ADCK5: variants seen among roughly 807,000 people sequenced by gnomAD.
ADCK5 encodes uncharacterized aarF domain-containing protein kinase 5.
A neutral mutation model predicts 64.9 loss-of-function variants in ADCK5; 43 were observed. The observed-to-expected ratio is 0.66, with a 90% CI of 0.52 to 0.85. The LOEUF is 0.85. Ranked by LOEUF, ADCK5 falls within the 40% of genes least tolerant of loss-of-function variation. ADCK5 has a pLI of 0.00. For missense variants in ADCK5, 760 were observed against 810.5 expected (o/e 0.94, Z 0.76); for synonymous variants, 434 against 342.8 (o/e 1.27, Z -2.94).
intron 1 of ADCK5, among the ~76,000 whole-genome samples, chr8:144,378,772 G>A (rs112422933): frequency 4.6e-5 from 7 of 152,074 alleles, no homozygotes; most frequent in African/African-American, 1.4e-4. Context: ...CCAGCTACTC[G>A]GGGGGCTGGG....
intron 2 of ADCK5, among the ~76,000 whole-genome samples, 186 bp downstream of exon 2, chr8:144,379,676 G>A (rs1295352215): frequency 3.9e-5 from 6 of 152,218 alleles, no homozygotes; most frequent in Non-Finnish European, 7.3e-5. Context: ...CCATGGGACC[G>A]TGCTCAGGGG....
intron 1 of ADCK5, among the ~76,000 whole-genome samples, chr8:144,375,893 C>T (rs1446483125): frequency 6.6e-6 from 1 of 152,156 alleles, no homozygotes; most frequent in South Asian, 2.1e-4. Context: ...GGGGACCCAC[C>T]GTCTAAAAGA....
Position 144,393,181 on chromosome 8 carries a change from G to A in ADCK5, c.*107G>A. 7.4e-7 allele frequency: 1 copy of A among 1,346,914 alleles called. No homozygotes were observed. The highest frequency in any genetic ancestry group is 9.9e-7 in the Non-Finnish European group (1 of 1,007,778). 83.4% of individuals were successfully genotyped at this position (1,346,914 alleles called of 1,614,324 possible). A position where few individuals can be genotyped will look rare whatever the true frequency, so the allele number is the denominator to read the frequency against. On this transcript the variant is annotated 3_prime_UTR_variant, in exon 15 of 15. Transcript: ENST00000308860. Reference sequence around the variant, plus strand: ...GCCCCGTGGGCACTCGCACTGGGGGGCTGTGACAGCAGCTGGGCCAGGAGG... The same window carrying A: ...GCCCCGTGGGCACTCGCACTGGGGGACTGTGACAGCAGCTGGGCCAGGAGG...
intron 3 of ADCK5, among the ~76,000 whole-genome samples, chr8:144,390,282 G>A (rs56899927): frequency 0.025 from 3,784 of 152,276 alleles, 161 homozygotes; most frequent in African/African-American, 0.087. Flanking sequence ...GTGCACCACC[G>A]TGCCTGCCTA....
In ADCK5 at chr8:144,391,702, G is replaced by C; in HGVS notation, c.921G>C (p.Lys307Asn). 1 of 1,539,754 alleles carries C rather than the reference G, an allele frequency of 6.5e-7. No homozygotes were observed. Among genetic ancestry groups the C allele is most frequent in the Non-Finnish European group, 8.7e-7 (1 of 1,147,218 alleles). Residue 307 changes from lysine (K) to asparagine (N), a missense_variant, in exon 8 of 15, where the codon AAG (lysine) becomes AAC (asparagine). By Grantham distance (94) the Lys-to-Asn change is moderately conservative. Around this residue, in one of 2 missense-constraint regions of ADCK5, gnomAD observed 427 missense variants for 518.4 expected, o/e 0.82. Transcript: ENST00000308860. ...YVVVPRVHWD[K>N]SSKRVLTADF... ...TGGTGCCCCGCGTGCACTGGGACAA[G>C]TCCAGCAAGGTGGGCTGGGCCAGGC...
In ADCK5 at chr8:144,391,124, G is replaced by C. The variant is rs782710948; in HGVS notation, c.544-10G>C. On this transcript the variant is annotated splice_polypyrimidine_tract_variant and intron_variant, in intron 5 of 14. Coordinates refer to ENST00000308860, the MANE Select transcript of ADCK5 (RefSeq NM_174922.5). The stretch of plus-strand genomic sequence containing the variant: ...TGGCCCCAGGCTGCTCTGAGCACCT[G>C]TCCTTCCAGGTGGATGAGTTGTTCC... The C allele has an allele frequency of 6.2e-7, 1 of 1,610,554 alleles. No individual in the cohort carries two copies. The highest frequency in any genetic ancestry group is 2.2e-5 in the East Asian group (1 of 44,890).
At chr8:144,374,018 G>A (rs1554856623), upstream of ADCK5, 2 of 1,237,080 alleles carry the variant, frequency 1.6e-6, no homozygotes, top group East Asian at 3.2e-5. Flanking sequence ...TGCGCACTAC[G>A]CGCCCTCCCG....
chr8:144,390,764 G>A lies in ADCK5; in HGVS notation c.342+18G>A. On this transcript the variant is annotated intron_variant, in intron 4 of 14. Transcript: ENST00000308860. ...TGGAAGAGGTTTGTCCTGGTGCCCTGGGCACACAGTGGTGGGCATGAGGTG... is the reference window on the plus strand; with the variant it reads ...TGGAAGAGGTTTGTCCTGGTGCCCTAGGCACACAGTGGTGGGCATGAGGTG... The A allele has an allele frequency of 1.9e-6, 3 of 1,612,730 alleles. No homozygotes were observed. The highest frequency in any genetic ancestry group is 2.5e-6 in the Non-Finnish European group (3 of 1,179,216).
Position 144,392,904 on chromosome 8 carries a change from C to G in ADCK5, c.1637+12C>G, listed in dbSNP as rs1554861629. The G allele has an allele frequency of 6.3e-7, 1 of 1,599,132 alleles. No individual in the cohort carries two copies. The highest frequency in any genetic ancestry group is 1.1e-5 in the South Asian group (1 of 89,574). On this transcript the variant is annotated intron_variant, in intron 14 of 14. Transcript: ENST00000308860. The stretch of plus-strand genomic sequence containing the variant: ...GAAGTGGCGCTCAGGTGAGTGGCCG[C>G]GGGGCAGGTGGGTGGCGGGGGCCTG...
intron 4 of ADCK5, 27 bp from the exon 5 acceptor site, chr8:144,390,829 A>G: frequency 6.2e-7 from 1 of 1,609,240 alleles, no homozygotes; most frequent in Middle Eastern, 1.7e-4. Context: ...ACCTGTCCCC[A>G]TGTGTTCTCC....
chr8:144,382,927 G>A (rs937780400), intron 2 of ADCK5, among the ~76,000 whole-genome samples, 154 bp from the exon 3 acceptor site: 2 of 152,254 alleles, frequency 1.3e-5, no homozygotes, highest in Admixed American at 6.5e-5. Context: ...GCTCAGGGAA[G>A]GGGACGCTGA....
At position 144,392,594 on chromosome 8, in the gene ADCK5, C is replaced by T. The variant is rs782296484; in HGVS notation, c.1417C>T (p.Leu473=). The stretch of plus-strand genomic sequence containing the variant: ...GGCCGTCATGGCGGTGCTCAGGGAG[C>T]TGCCGCGGCCCATGCTGCTGGTGCT... The part of the protein sequence containing the change: ...FEAVMAVLRE[L]PRPMLLVLRN... The change falls in exon 13 of 15, where the codon CTG becomes TTG. Residue 473 remains leucine (L), a synonymous_variant. Coordinates refer to ENST00000308860, the MANE Select transcript of ADCK5 (RefSeq NM_174922.5). The T allele has an allele frequency of 5.4e-5, 85 of 1,579,502 alleles. No homozygotes were observed. The highest frequency in any genetic ancestry group is 6.8e-5 in the Non-Finnish European group (79 of 1,167,534).
intron 3 of ADCK5, among the ~76,000 whole-genome samples, chr8:144,386,500 G>A (rs1273258112): frequency 1.3e-5 from 2 of 151,900 alleles, no homozygotes; most frequent in African/African-American, 2.4e-5. Flanking sequence ...TGGAATTACA[G>A]GTGCCCACCA....
intron 3 of ADCK5, among the ~76,000 whole-genome samples, chr8:144,388,809 G>A (rs1016193588): frequency 6.6e-6 from 1 of 151,998 alleles, no homozygotes; most frequent in Admixed American, 6.6e-5. Context: ...ACCCAAGCAC[G>A]CACTCCAGAT....
chr8:144,387,315 C>G (rs1484005824), intron 3 of ADCK5, among the ~76,000 whole-genome samples: 1 of 152,198 alleles, frequency 6.6e-6, no homozygotes, highest in Admixed American at 6.5e-5. Flanking sequence ...TTCGGTTTCC[C>G]CCATTTGATT....
chr8:144,392,041 G>A lies in ADCK5; in HGVS notation c.1096+19G>A. 2 of 1,612,682 alleles carry A rather than the reference G, an allele frequency of 1.2e-6. No homozygotes were observed. The highest frequency in any genetic ancestry group is 1.7e-6 in the Non-Finnish European group (2 of 1,179,966). ...GGCAACGGTAGGAATTTACCCCAGGGGTGGGGGTCTCAGGGTGGGCGCAGC... is the reference window on the plus strand; with the variant it reads ...GGCAACGGTAGGAATTTACCCCAGGAGTGGGGGTCTCAGGGTGGGCGCAGC... On this transcript the variant is annotated intron_variant, in intron 10 of 14. Coordinates refer to ENST00000308860, the MANE Select transcript of ADCK5 (RefSeq NM_174922.5).
chr8:144,393,207 C>T lies in ADCK5; in HGVS notation c.*133C>T. The T allele has an allele frequency of 2.2e-6, 3 of 1,354,512 alleles. No individual in the cohort carries two copies. Among genetic ancestry groups the T allele is most frequent in the Non-Finnish European group, 3.0e-6 (3 of 1,010,920 alleles). 83.9% of individuals were successfully genotyped at this position (1,354,512 alleles called of 1,614,324 possible). A position where few individuals can be genotyped will look rare whatever the true frequency, so the allele number is the denominator to read the frequency against. The stretch of plus-strand genomic sequence containing the variant: ...CTGTGACAGCAGCTGGGCCAGGAGG[C>T]CGTGTAATGACCACACACTCCTCTC... On this transcript the variant is annotated 3_prime_UTR_variant, in exon 15 of 15. Transcript: ENST00000308860.
At chr8:144,392,418 T>TCCCCA in intron 12 of ADCK5, 27 bp from the exon 13 acceptor site, 2 of 799,218 alleles carry the variant, frequency 2.5e-6, no homozygotes, top group Non-Finnish European at 3.4e-6. Flanking sequence ...CAGAGCCCCC[T>TCCCCA]CCCTCCCTCC....
intron 1 of ADCK5, chr8:144,375,510 C>T (rs1564665747): frequency 3.0e-6 from 3 of 985,460 alleles, no homozygotes; most frequent in South Asian, 4.7e-5. Flanking sequence ...CTCACTGCTG[C>T]GGCCGGGCCT....
Sources: allele counts gnomAD v4.1 joint callset (sites outside exome capture counted in the v4.1 genomes callset), GRCh38; gene constraint gnomAD v4.1.1; regional missense constraint gnomAD v4.1.1; transcripts MANE v1.5; gene names NCBI Gene and HGNC (gene_info 2026-07-23, HGNC 2026-07-21).